Variants in POLR1F observed in about 807,000 individuals in gnomAD.
POLR1F encodes the protein RNA polymerase I subunit F, also known as DNA-directed RNA polymerase I subunit RPA43.
In POLR1F, 23 loss-of-function variants were observed where a neutral mutation model predicts 21.8. The ratio of observed to expected loss-of-function variants is 1.05; its 90% CI spans 0.76 to 1.49. The LOEUF (loss-of-function observed/expected upper bound fraction) is 1.49, where lower values mean the gene tolerates loss of function less well. Ranked by LOEUF, POLR1F falls within the 40% of genes most tolerant of loss-of-function variation. The pLI is 0.00. For synonymous variants in POLR1F, 162 were observed against 152.8 expected (o/e 1.06, Z -0.45); for missense variants, 435 against 412.1 (o/e 1.06, Z -0.48).
chr7:19,708,900 C>T lies in POLR1F; in HGVS notation c.117G>A (p.Ala39=), dbSNP rs1280605040. 2 of 1,614,000 alleles carry T rather than the reference C, an allele frequency of 1.2e-6. No homozygotes were observed. Among genetic ancestry groups the T allele is most frequent in the South Asian group, 1.1e-5 (1 of 91,094 alleles). Residue 39 remains alanine (A), a synonymous_variant, in exon 1 of 4, where the codon GCG becomes GCA. Transcript: ENST00000222567. The part of the protein sequence containing the change: ...LELPTYAAAC[A]LVNSRYSCLV... ...GGCATGAGTAGCGACTGTTCACCAG[C>T]GCACAAGCAGCGGCATAAGTCGGCA...
chr7:19,708,755 A>C lies in POLR1F; in HGVS notation c.254+8T>G. Reference sequence around the variant, plus strand: ...CACAAAAGAAGGAACAGGCAAAGAGATCGGTACCTCTCAGAATAGCGAAGG... The same window carrying C: ...CACAAAAGAAGGAACAGGCAAAGAGCTCGGTACCTCTCAGAATAGCGAAGG... On this transcript the variant is annotated splice_region_variant and intron_variant, in intron 1 of 3. Transcript: ENST00000222567. 1 of 1,602,110 alleles carries C rather than the reference A, an allele frequency of 6.2e-7. No homozygotes were observed. Among genetic ancestry groups the C allele is most frequent in the East Asian group, 2.2e-5 (1 of 44,514 alleles).
intron 2 of POLR1F, among the ~76,000 whole-genome samples, chr7:19,701,599 G>A (rs1783447264): frequency 6.6e-6 from 1 of 152,190 alleles, no homozygotes; most frequent in Non-Finnish European, 1.5e-5. Context: ...ACAGGCCGAA[G>A]ACAGCCGGTT....
At position 19,698,516 on chromosome 7, in the gene POLR1F, C is replaced by T; in HGVS notation, c.817G>A (p.Glu273Lys). The change falls in exon 4 of 4, where the codon GAG becomes AAG. Residue 273 changes from glutamate to lysine, a missense_variant. Coordinates refer to ENST00000222567, the MANE Select transcript of POLR1F (RefSeq NM_001002926.2). ...NTNNANGIWEEEPKKKKKKKK... is the reference protein window; with the variant it reads ...NTNNANGIWEKEPKKKKKKKK... ...TTCTTCTTCTTTTTCTTTGGCTCCT[C>T]CTCCCAGATGCCATTCGCATTATTA... 6.2e-7 allele frequency: 1 copy of T among 1,605,834 alleles called. No individual in the cohort carries two copies. The highest frequency in any genetic ancestry group is 8.5e-7 in the Non-Finnish European group (1 of 1,178,050).
intron 1 of POLR1F, 54 bp from the exon 2 acceptor site, chr7:19,704,974 T>C: frequency 6.5e-7 from 1 of 1,528,048 alleles, no homozygotes; most frequent in Middle Eastern, 2.1e-4. Context: ...TATTTATTTA[T>C]GTTTTTGGAG....
chr7:19,702,543 T>C (rs569170407), intron 2 of POLR1F, among the ~76,000 whole-genome samples: 2 of 152,228 alleles, frequency 1.3e-5, no homozygotes, highest in East Asian at 3.9e-4. Context: ...AAAGCAATAG[T>C]CATAAACATA....
intron 2 of POLR1F, among the ~76,000 whole-genome samples, chr7:19,704,063 G>A (rs192063553): frequency 5.9e-5 from 9 of 152,208 alleles, no homozygotes; most frequent in Non-Finnish European, 1.0e-4. Flanking sequence ...GAAAAAAATT[G>A]GAAGTGTCTT....
intron 1 of POLR1F, 33 bp downstream of exon 1, chr7:19,708,730 C>T: frequency 1.3e-6 from 2 of 1,584,612 alleles, no homozygotes; most frequent in East Asian, 4.5e-5. Flanking sequence ...ACTTCCCGTG[C>T]ACAAAAGAAG....
intron 1 of POLR1F, 151 bp downstream of exon 1, chr7:19,708,612 G>T (rs949988791): frequency 1.0e-5 from 11 of 1,052,206 alleles, no homozygotes; most frequent in African/African-American, 1.6e-5. Flanking sequence ...TACTGGCCTT[G>T]AGGGACGGAT....
At chr7:19,703,994 A>G (rs1382473275) in intron 2 of POLR1F, among the ~76,000 whole-genome samples, 1 of 152,238 alleles carries the variant, frequency 6.6e-6, no homozygotes, top group Non-Finnish European at 1.5e-5. Context: ...TAGTCCAGTT[A>G]TAAGATCCCA....
chr7:19,705,430 A>T (rs1269563671), intron 1 of POLR1F: 1 of 153,944 alleles, frequency 6.5e-6, no homozygotes, highest in Non-Finnish European at 1.5e-5. Flanking sequence ...GAAAGAAGGG[A>T]CTTAGCAAAG....
In POLR1F at chr7:19,698,584, T is replaced by G; in HGVS notation, c.749A>C (p.Asp250Ala). 2 of 1,613,532 alleles carry G rather than the reference T, an allele frequency of 1.2e-6. No individual in the cohort carries two copies. The highest frequency in any genetic ancestry group is 1.7e-6 in the Non-Finnish European group (2 of 1,179,796). ...VDSGTTKLAD[D>A]ADDTPMEESA... ...CTCTTCCATTGGAGTGTCATCTGCA[T>G]CATCTGCTAGCTTTGTGGTACCACT... Residue 250 changes from aspartate to alanine, a missense_variant, in exon 4 of 4, where the codon GAT (aspartate) becomes GCT (alanine). By Grantham distance (126) the Asp-to-Ala change is moderately radical. Transcript: ENST00000222567.
chr7:19,705,993 C>G (rs900802832), intron 1 of POLR1F, among the ~76,000 whole-genome samples: 2 of 152,160 alleles, frequency 1.3e-5, no homozygotes, highest in African/African-American at 4.8e-5. Context: ...TCTCACTGTT[C>G]TTAATCTAAT....
intron 2 of POLR1F, among the ~76,000 whole-genome samples, 160 bp downstream of exon 2, chr7:19,704,619 C>A (rs367913146): frequency 6.6e-6 from 1 of 151,976 alleles, no homozygotes; most frequent in Non-Finnish European, 1.5e-5. Context: ...AACTTACCTA[C>A]GTTTGAATGA....
chr7:19,703,823 G>A (rs527270163), intron 2 of POLR1F, among the ~76,000 whole-genome samples: 4 of 152,198 alleles, frequency 2.6e-5, no homozygotes, highest in Non-Finnish European at 5.9e-5. Flanking sequence ...TAAACTCCTG[G>A]CCTCAAGTGA....
In POLR1F at chr7:19,706,918, T is replaced by C. The variant is rs76813373; in HGVS notation, c.254+1845A>G. 1.8e-3 allele frequency among the ~76,000 whole-genome samples: 279 copies of C among 152,308 alleles called. 2 individuals are homozygous for C. Among genetic ancestry groups the C allele is most frequent in the African/African-American group, 6.5e-3 (271 of 41,552 alleles). On this transcript the variant is annotated intron_variant, in intron 1 of 3. Coordinates refer to ENST00000222567, the MANE Select transcript of POLR1F (RefSeq NM_001002926.2). ...TAGTAATGCATAGTTCAAAGTGTGG[T>C]GCCTGATTTGCACTTGAATAAACAG...
At chr7:19,702,803 C>T (rs746064582) in intron 2 of POLR1F, among the ~76,000 whole-genome samples, 9 of 152,016 alleles carry the variant, frequency 5.9e-5, no homozygotes, top group Admixed American at 2.0e-4. Flanking sequence ...ATGAGGGAAA[C>T]GGAAATGCAA....
At chr7:19,704,655 A>C in intron 2 of POLR1F, 124 bp downstream of exon 2, 1 of 896,538 alleles carries the variant, frequency 1.1e-6, no homozygotes. Context: ...CCTTAAAAAT[A>C]ATATTTATTT....
rs1177999145 is a variant in POLR1F at position 19,696,496 on chromosome 7, T to G, written c.*1820A>C. On this transcript the variant is annotated 3_prime_UTR_variant, in exon 4 of 4. Transcript: ENST00000222567. Reference sequence around the variant, plus strand: ...GAAAAGGGGTTTAGAATTGTTTCACTAAAAATTAAATTTCTATATTGTCAA... The same window carrying G: ...GAAAAGGGGTTTAGAATTGTTTCACGAAAAATTAAATTTCTATATTGTCAA... The G allele has an allele frequency of 2.0e-5, 3 of 152,092 alleles. No individual in the cohort carries two copies. The highest frequency in any genetic ancestry group is 4.4e-5 in the Non-Finnish European group (3 of 67,942). The allele number at this position is 152,092 out of a possible 1,614,324, so 9.4% of individuals were successfully genotyped here. A position where few individuals can be genotyped will look rare whatever the true frequency, so the allele number is the denominator to read the frequency against.
chr7:19,705,182 C>T (rs1783504381), intron 1 of POLR1F, among the ~76,000 whole-genome samples: 1 of 152,148 alleles, frequency 6.6e-6, no homozygotes, highest in Admixed American at 6.5e-5. Flanking sequence ...TTACACATCT[C>T]CTAAATACAC....
Sources: gnomAD v4.1 joint callset for allele counts (sites outside exome capture counted in the v4.1 genomes callset) on GRCh38, gnomAD v4.1.1 for gene constraint, MANE v1.5 for transcripts, NCBI Gene and HGNC (gene_info 2026-07-23, HGNC 2026-07-21) for gene names.